THOC2: variants seen among roughly 807,000 people sequenced by gnomAD.
THOC2 encodes the protein THO complex 2.
A neutral mutation model predicts 128.4 loss-of-function variants in THOC2; 10 were observed. The observed-to-expected ratio is 0.08, with a 90% confidence interval of 0.05 to 0.13. The LOEUF (loss-of-function observed/expected upper bound fraction) is 0.13, where lower values mean the gene tolerates loss of function less well. Among genes scored for constraint, THOC2 ranks in the 10% least tolerant of loss-of-function variants. The probability of loss-of-function intolerance (pLI) is 1.00; values close to 1 mark genes in which losing one functional copy is unlikely to be tolerated. For synonymous variants in THOC2, 393 were observed against 396.9 expected (o/e 0.99, Z 0.12); for missense variants, 535 against 1,155.7 (o/e 0.46, Z 7.79).
At chrX:123,721,551 C>T (rs1403978169) in intron 1 of THOC2, among the ~76,000 whole-genome samples, 1 of 106,635 alleles carries the variant, frequency 9.4e-6, no homozygotes, top group Non-Finnish European at 1.9e-5. Context: ...TTTGGGAGGC[C>T]GAGGAGGGCG....
chrX:123,623,399 A>T, intron 28 of THOC2, 116 bp from the exon 29 acceptor site: 1 of 773,021 alleles, frequency 1.3e-6, no homozygotes, highest in Non-Finnish European at 1.8e-6. Flanking sequence ...CTAGAGAATT[A>T]AAAAATACCA....
At chrX:123,674,997 G>T (rs936461179) in intron 8 of THOC2, among the ~76,000 whole-genome samples, 2 of 111,568 alleles carry the variant, frequency 1.8e-5, no homozygotes, top group Non-Finnish European at 3.8e-5. Context: ...AATAAAAGTT[G>T]AAATTATCTT....
chrX:123,671,560 T>G, intron 9 of THOC2, 109 bp downstream of exon 9: 1 of 388,979 alleles, frequency 2.6e-6, no homozygotes. Flanking sequence ...AGAGTGAGAC[T>G]TGAGAACCTC....
intron 8 of THOC2, among the ~76,000 whole-genome samples, chrX:123,672,266 G>A (rs1307185350): frequency 9.3e-6 from 1 of 107,715 alleles, no homozygotes; most frequent in African/African-American, 3.4e-5. Flanking sequence ...AGCCTCCTGA[G>A]TAGCTGGAAC....
At chrX:123,609,822 A>G (rs1200178482) in intron 38 of THOC2, among the ~76,000 whole-genome samples, 2 of 110,584 alleles carry the variant, frequency 1.8e-5, no homozygotes, top group African/African-American at 3.3e-5. Context: ...CGAGGTCAAG[A>G]GTTCAAGACC....
intron 6 of THOC2, 38 bp downstream of exon 6, chrX:123,696,683 C>A: frequency 8.6e-7 from 1 of 1,167,140 alleles, no homozygotes; most frequent in South Asian, 2.0e-5. Flanking sequence ...AAAACATACT[C>A]AGATACTTGA....
In THOC2 at chrX:123,665,909, C is replaced by T. The variant is rs774962318; in HGVS notation, c.1191-72G>A. 3.1e-5 allele frequency: 18 copies of T among 576,627 alleles called. No homozygotes were observed. In the South Asian group the frequency reaches 1.1e-3, roughly 36 times the overall value. The allele number at this position is 576,627 out of a possible 1,213,427, so 47.5% of individuals were successfully genotyped here. On this transcript the variant is annotated intron_variant, in intron 11 of 38. Coordinates refer to ENST00000245838, the MANE Select transcript of THOC2 (RefSeq NM_001081550.2). ...TAATAAATATAACTATATACACACA[C>T]ACTACAATATCTACCATTTTAACAA...
intron 6 of THOC2, 44 bp downstream of exon 6, chrX:123,696,677 C>A: frequency 8.7e-7 from 1 of 1,154,858 alleles, no homozygotes; most frequent in Non-Finnish European, 1.2e-6. Flanking sequence ...AACGAAAAAA[C>A]ATACTCAGAT....
At chrX:123,623,032 G>A (rs1356986698) in intron 29 of THOC2, 73 bp downstream of exon 29, 50 of 1,047,783 alleles carry the variant, frequency 4.8e-5, no homozygotes, top group African/African-American at 7.6e-5. Flanking sequence ...CATTGTACTC[G>A]TTCTGTGATA....
At chrX:123,647,728 G>A (rs1008087657) in intron 12 of THOC2, among the ~76,000 whole-genome samples, 1 of 107,386 alleles carries the variant, frequency 9.3e-6, no homozygotes, top group Non-Finnish European at 1.9e-5. Context: ...CCAGCTACTC[G>A]GGAGGCTGAG....
chrX:123,657,635 G>A lies in THOC2; in HGVS notation c.1386+8007C>T, dbSNP rs183200776. On this transcript the variant is annotated intron_variant, in intron 12 of 38. Coordinates refer to ENST00000245838, the MANE Select transcript of THOC2 (RefSeq NM_001081550.2). The stretch of plus-strand genomic sequence containing the variant: ...AGCAGAGTGGAGTGAAAGATTTAAA[G>A]TGTTAAGATAAAAAAAAAAACTAGA... Among the ~76,000 whole-genome samples the A allele has an allele frequency of 4.1e-3, 371 of 91,328 alleles. 1 individual carries two copies. The highest frequency in any genetic ancestry group is 0.013 in the African/African-American group (362 of 27,081). 79.3% of individuals were successfully genotyped at this position (91,328 alleles called of 115,157 possible).
At chrX:123,706,670 TCA>T (rs2050947958) in intron 3 of THOC2, among the ~76,000 whole-genome samples, 186 bp downstream of exon 3, 1 of 110,263 alleles carries the variant, frequency 9.1e-6, no homozygotes, top group South Asian at 3.9e-4. Flanking sequence ...GTTACCAATG[TCA>T]CCTTAAAACA....
Position 123,644,770 on chromosome X carries a change from T to C in THOC2, c.1559+9A>G, listed in dbSNP as rs776954480. ...AATAGTTAAAAACATGAAAATAATA[T>C]GTATTTACCTATGCTGATATGGAAA... On this transcript the variant is annotated intron_variant, in intron 14 of 38. Coordinates refer to ENST00000245838, the MANE Select transcript of THOC2 (RefSeq NM_001081550.2). The C allele has an allele frequency of 8.4e-7, 1 of 1,183,437 alleles. No individual in the cohort carries two copies. Among genetic ancestry groups the C allele is most frequent in the Non-Finnish European group, 1.1e-6 (1 of 877,567 alleles).
chrX:123,695,678 T>A (rs1482624851), intron 7 of THOC2, among the ~76,000 whole-genome samples: 1 of 111,585 alleles, frequency 9.0e-6, no homozygotes, highest in East Asian at 2.8e-4. Context: ...TAGAGAAACG[T>A]AGGGCACTCT....
intron 8 of THOC2, among the ~76,000 whole-genome samples, chrX:123,678,542 C>T (rs746463363): frequency 8.7e-4 from 96 of 110,684 alleles, no homozygotes; most frequent in Non-Finnish European, 1.4e-3. Context: ...GCTGGTATTA[C>T]AGGCGTGAGC....
chrX:123,725,048 G>A (rs758616253), intron 1 of THOC2, among the ~76,000 whole-genome samples: 133 of 111,896 alleles, frequency 1.2e-3, no homozygotes, highest in Non-Finnish European at 2.1e-3. Context: ...AGTGAGCCAT[G>A]ATCGCACCAC....
chrX:123,614,064 T>C lies in THOC2; in HGVS notation c.4437A>G (p.Lys1479=), dbSNP rs754685553. ...EREKKDEKDR[K]ERKRDHSNND... Reference sequence around the variant, plus strand: ...AAATTTTACAAACCCTTTTCCGCTCTTTCCTGTCCTTTTCATCTTTTTTCT... The same window carrying C: ...AAATTTTACAAACCCTTTTCCGCTCCTTCCTGTCCTTTTCATCTTTTTTCT... The change falls in exon 34 of 39, where the codon AAA becomes AAG. Residue 1479 remains lysine (K), a synonymous_variant. Coordinates refer to ENST00000245838, the MANE Select transcript of THOC2 (RefSeq NM_001081550.2). 1.1e-5 allele frequency: 13 copies of C among 1,201,723 alleles called. No homozygotes were observed. The South Asian group carries it at 2.4e-4, about 22-fold the overall frequency.
chrX:123,686,097 CA>C (rs1408409054), intron 8 of THOC2, among the ~76,000 whole-genome samples: 1 of 111,770 alleles, frequency 8.9e-6, no homozygotes, highest in Non-Finnish European at 1.9e-5. Flanking sequence ...CTGAAGTACA[CA>C]TACCTTCCCA....
chrX:123,668,924 G>A (rs1417208954), intron 9 of THOC2, among the ~76,000 whole-genome samples: 1 of 111,479 alleles, frequency 9.0e-6, no homozygotes, highest in Non-Finnish European at 1.9e-5. Flanking sequence ...ATCTCAAACA[G>A]TCACCTTGTA....
Sources: allele counts gnomAD v4.1 joint callset (sites outside exome capture counted in the v4.1 genomes callset), GRCh38; gene constraint gnomAD v4.1.1; transcripts MANE v1.5; gene names NCBI Gene and HGNC (gene_info 2026-07-23, HGNC 2026-07-21).